The following DTNA variants were observed in gnomAD, a reference collection of about 807,000 sequenced individuals.
The protein encoded by DTNA is dystrobrevin alpha.
A neutral mutation model predicts 100.7 loss-of-function variants in DTNA; 43 were observed. The ratio of observed to expected loss-of-function variants is 0.43; its 90% CI spans 0.33 to 0.55. The LOEUF (loss-of-function observed/expected upper bound fraction) is 0.55. DTNA is among the 20% of genes least tolerant of loss of function. The pLI is 0.04. For synonymous variants in DTNA, 349 were observed against 347.9 expected (o/e 1.00, Z -0.04); for missense variants, 798 against 953.9 (o/e 0.84, Z 2.15).
intron 1 of DTNA, among the ~76,000 whole-genome samples, chr18:34,570,290 T>A (rs2047467116): frequency 6.6e-6 from 1 of 152,240 alleles, no homozygotes; most frequent in African/African-American, 2.4e-5. Context: ...ATAAAAGTGA[T>A]GGATAAATGA....
At chr18:34,622,376 G>T (rs2056660007) in intron 1 of DTNA, among the ~76,000 whole-genome samples, 1 of 152,190 alleles carries the variant, frequency 6.6e-6, no homozygotes, top group African/African-American at 2.4e-5. Flanking sequence ...AACTTGAATT[G>T]TTATCCATAG....
chr18:34,841,945 G>C (rs1180231663), intron 13 of DTNA, among the ~76,000 whole-genome samples: 1 of 152,180 alleles, frequency 6.6e-6, no homozygotes, highest in African/African-American at 2.4e-5. Flanking sequence ...GGTTCTGTCA[G>C]ATAAGTCAAA....
rs572905062 is a variant in DTNA at position 34,631,717 on chromosome 18, C to G, written c.-1-124259C>G. ...ACATGATTTCAGAGTTGGTCAATAA[C>G]AAGGAACTGTTACCACATGGAAATT... is the stretch of plus-strand genomic sequence containing the variant. On this transcript the variant is annotated intron_variant, in intron 1 of 19. Coordinates refer to the DTNA transcript ENST00000283365. Among the ~76,000 whole-genome samples the G allele has an allele frequency of 2.4e-4, 37 of 152,304 alleles. 1 individual carries two copies. In the South Asian group the frequency reaches 6.6e-3, roughly 27 times the overall value.
chr18:34,550,475 G>A (rs1290377154), intron 1 of DTNA, among the ~76,000 whole-genome samples: 1 of 152,108 alleles, frequency 6.6e-6, no homozygotes, highest in Non-Finnish European at 1.5e-5. Flanking sequence ...TAACAGCTGT[G>A]TCACATCAGG....
Position 34,586,458 on chromosome 18 carries a change from G to A in DTNA, c.-2+92944G>A, listed in dbSNP as rs925744946. On this transcript the variant is annotated intron_variant, in intron 1 of 19. Transcript: ENST00000283365. ...GGCTCCCCTCTCACCTTCCCACCCT[G>A]TTATGAAGCAGCATGAGTTCCTCAC... Among the ~76,000 whole-genome samples the A allele has an allele frequency of 2.0e-5, 3 of 151,496 alleles. No homozygotes were observed. The East Asian group carries it at 5.8e-4, about 29-fold the overall frequency.
intron 1 of DTNA, among the ~76,000 whole-genome samples, chr18:34,551,853 C>T (rs184790184): frequency 8.5e-5 from 13 of 152,238 alleles, no homozygotes; most frequent in South Asian, 4.1e-4. Flanking sequence ...ACCTCTGTGA[C>T]GCATAAGACC....
chr18:34,548,440 A>G (rs1466691673), intron 1 of DTNA, among the ~76,000 whole-genome samples: 5 of 152,268 alleles, frequency 3.3e-5, no homozygotes, highest in Non-Finnish European at 2.9e-5. Flanking sequence ...TTCTCAGTAG[A>G]AACAATCTCA....
At chr18:34,858,498 A>G in intron 16 of DTNA, 100 bp downstream of exon 16, 1 of 1,175,950 alleles carries the variant, frequency 8.5e-7, no homozygotes, top group Non-Finnish European at 1.3e-6. Context: ...CAGCTACCTT[A>G]GCTGCTGACA....
intron 17 of DTNA, chr18:34,868,652 T>C (rs2096733207): frequency 1.0e-6 from 1 of 985,350 alleles, no homozygotes; most frequent in South Asian, 4.7e-5. Flanking sequence ...TGTTTTATTA[T>C]ACTGGCATAT....
intron 1 of DTNA, chr18:34,504,029 T>G (rs944242418): frequency 2.6e-5 from 4 of 151,930 alleles, no homozygotes; most frequent in East Asian, 1.9e-4. Flanking sequence ...CTTTTTTTTT[T>G]GTATTTTTAG....
At chr18:34,763,738 G>A (rs552159114) in intron 2 of DTNA, among the ~76,000 whole-genome samples, 8 of 152,038 alleles carry the variant, frequency 5.3e-5, no homozygotes, top group African/African-American at 1.2e-4. Context: ...CACAGAACAG[G>A]GTGACTAGAA....
At chr18:34,592,502 A>ACACACACACACACACACACG (rs1371552393) in intron 1 of DTNA, among the ~76,000 whole-genome samples, 2 of 150,610 alleles carry the variant, frequency 1.3e-5, no homozygotes, top group African/African-American at 4.9e-5. Context: ...ACACACACAC[A>ACACACACACACACACACACG]CACATTTTGT....
chr18:34,816,115 AT>A, intron 7 of DTNA, 101 bp downstream of exon 7: 1 of 1,186,028 alleles, frequency 8.4e-7, no homozygotes, highest in Non-Finnish European at 1.2e-6. Flanking sequence ...AGGGAAGCCT[AT>A]TTAGTGGCTC....
At chr18:34,751,689 C>T (rs2092335076) in intron 1 of DTNA, among the ~76,000 whole-genome samples, 1 of 152,180 alleles carries the variant, frequency 6.6e-6, no homozygotes, top group African/African-American at 2.4e-5. Flanking sequence ...AATTCTGTTT[C>T]AGAGTCCCTC....
rs1459104680 is a variant in DTNA at position 34,549,948 on chromosome 18, A to T, written c.-2+56434A>T. 2.0e-5 allele frequency among the ~76,000 whole-genome samples: 3 copies of T among 152,072 alleles called. No homozygotes were observed. In the East Asian group the frequency reaches 5.8e-4, roughly 29 times the overall value. On this transcript the variant is annotated intron_variant, in intron 1 of 19. Transcript: ENST00000283365. ...TTGTCTTGATGAATTCTGGCCATTA[A>T]AAAAAGATTTAGAGTAACTATTATC...
intron 17 of DTNA, among the ~76,000 whole-genome samples, chr18:34,869,585 A>G (rs1416012754): frequency 6.6e-6 from 1 of 152,224 alleles, no homozygotes; most frequent in Non-Finnish European, 1.5e-5. Flanking sequence ...GGTATATTAA[A>G]CAGCTAATAC....
intron 1 of DTNA, among the ~76,000 whole-genome samples, chr18:34,736,740 T>A (rs1376864017): frequency 6.6e-6 from 1 of 152,218 alleles, no homozygotes; most frequent in Non-Finnish European, 1.5e-5. Context: ...GTGTTCATAG[T>A]ACATTTTGGC....
chr18:34,788,798 G>A (rs1467954515), intron 3 of DTNA, among the ~76,000 whole-genome samples: 2 of 152,090 alleles, frequency 1.3e-5, no homozygotes, highest in Admixed American at 1.3e-4. Flanking sequence ...TCAAGATTAT[G>A]GGTTGATTAA....
intron 1 of DTNA, among the ~76,000 whole-genome samples, chr18:34,536,764 A>G (rs545173440): frequency 6.6e-6 from 1 of 152,188 alleles, no homozygotes; most frequent in East Asian, 1.9e-4. Context: ...GTTAAATTAA[A>G]TAAATAAAAA....
Sources: gnomAD v4.1 joint callset for allele counts (sites outside exome capture counted in the v4.1 genomes callset) on GRCh38, gnomAD v4.1.1 for gene constraint, MANE v1.5 for transcripts, NCBI Gene and HGNC (gene_info 2026-07-23, HGNC 2026-07-21) for gene names.